BPIFB4: variants seen among roughly 807,000 people sequenced by gnomAD.
BPIFB4 encodes BPI fold-containing family B member 4.
BPIFB4 carries 62 observed loss-of-function variants against 69.2 expected under a neutral mutation model. That is an observed-to-expected ratio of 0.90 (90% CI 0.73 to 1.11). The LOEUF (loss-of-function observed/expected upper bound fraction) is 1.11, where lower values mean the gene tolerates loss of function less well. BPIFB4 is among the 50% of genes least tolerant of loss of function. BPIFB4 has a pLI of 0.00. For synonymous variants in BPIFB4, 330 were observed against 332.7 expected (o/e 0.99, Z 0.09); for missense variants, 789 against 792.0 (o/e 1.00, Z 0.04).
At chr20:33,107,991 G>A (rs1982119795) in intron 17 of BPIFB4, among the ~76,000 whole-genome samples, 171 bp downstream of exon 17, 1 of 152,214 alleles carries the variant, frequency 6.6e-6, no homozygotes, top group Non-Finnish European at 1.5e-5. Flanking sequence ...GAGCAGAGCT[G>A]TTAAGGATCC....
intron 13 of BPIFB4, 138 bp from the exon 14 acceptor site, chr20:33,100,288 C>T: frequency 1.5e-6 from 1 of 653,826 alleles, no homozygotes; most frequent in Non-Finnish European, 2.7e-6. Context: ...GAGGTCTGAC[C>T]CAGGCCTCGG....
chr20:33,104,663 G>A, intron 15 of BPIFB4, 147 bp from the exon 16 acceptor site: 2 of 647,780 alleles, frequency 3.1e-6, no homozygotes, highest in East Asian at 5.7e-5. Context: ...GAGAAATTCT[G>A]GGGTCTCAGG....
chr20:33,091,022 G>A (rs1189265505), intron 10 of BPIFB4, among the ~76,000 whole-genome samples: 2 of 152,158 alleles, frequency 1.3e-5, no homozygotes, highest in Non-Finnish European at 2.9e-5. Context: ...GCTTTGTGTC[G>A]ATTAACTCAG....
At position 33,089,039 on chromosome 20, in the gene BPIFB4, T is replaced by A; in HGVS notation, c.990+10T>A. ...CGTCCTCCCTGACTTGGTAAGAAGC[T>A]GTCCCAGTATGGGAGCAAGGGGCAC... On this transcript the variant is annotated intron_variant, in intron 8 of 17. Transcript: ENST00000375483. 1 of 1,613,882 alleles carries A rather than the reference T, an allele frequency of 6.2e-7. No homozygotes were observed. Among genetic ancestry groups the A allele is most frequent in the Non-Finnish European group, 8.5e-7 (1 of 1,179,814 alleles).
chr20:33,097,710 G>A lies in BPIFB4; in HGVS notation c.1492G>A (p.Val498Met). 2 of 1,614,166 alleles carry A rather than the reference G, an allele frequency of 1.2e-6. No homozygotes were observed. The highest frequency in any genetic ancestry group is 1.1e-5 in the South Asian group (1 of 91,082). Residue 498 changes from valine to methionine, a missense_variant, in exon 13 of 18, where the codon GTG becomes ATG. Coordinates refer to ENST00000375483, the MANE Select transcript of BPIFB4 (RefSeq NM_182519.3). ...SVMLQKDKAL[V>M]KVLATAEVMV... ...GATGCTGCAGAAGGACAAAGCGCTG[G>A]TGAAGGTGTTGGCCACTGCCGAGGT...
chr20:33,094,810 G>T (rs544672469), intron 11 of BPIFB4, among the ~76,000 whole-genome samples: 26 of 152,232 alleles, frequency 1.7e-4, no homozygotes, highest in African/African-American at 5.3e-4. Context: ...TCTCGCCCAA[G>T]AATAACATTT....
At position 33,089,044 on chromosome 20, in the gene BPIFB4, C is replaced by A. The variant is rs1287078428; in HGVS notation, c.990+15C>A. ...TCCCTGACTTGGTAAGAAGCTGTCC[C>A]AGTATGGGAGCAAGGGGCACAGGCT... On this transcript the variant is annotated intron_variant, in intron 8 of 17. Coordinates refer to ENST00000375483, the MANE Select transcript of BPIFB4 (RefSeq NM_182519.3). 4.3e-6 allele frequency: 7 copies of A among 1,613,704 alleles called. No individual in the cohort carries two copies. Among genetic ancestry groups the A allele is most frequent in the South Asian group, 1.1e-5 (1 of 91,064 alleles).
At chr20:33,109,890 G>C (rs935933999) in intron 17 of BPIFB4, among the ~76,000 whole-genome samples, 1 of 152,130 alleles carries the variant, frequency 6.6e-6, no homozygotes, top group African/African-American at 2.4e-5. Context: ...GTAAATGGCA[G>C]CTGCTATTAT....
At chr20:33,083,956 G>T (rs927715497) in intron 5 of BPIFB4, 82 bp downstream of exon 5, 9 of 1,469,122 alleles carry the variant, frequency 6.1e-6, no homozygotes, top group African/African-American at 1.4e-5. Flanking sequence ...TGGGGTTGCC[G>T]GAGGGAAGGT....
In BPIFB4 at chr20:33,102,956, T is replaced by A. The variant is rs770892662; in HGVS notation, c.1638-16T>A. On this transcript the variant is annotated splice_polypyrimidine_tract_variant and intron_variant, in intron 14 of 17. Coordinates refer to ENST00000375483, the MANE Select transcript of BPIFB4 (RefSeq NM_182519.3). ...GGCAATCCCTGCTTCTCACAGGCTG[T>A]TTTCTTCGTCTACAGGACCAGCCTC... The A allele has an allele frequency of 6.2e-7, 1 of 1,613,314 alleles. No homozygotes were observed. The highest frequency in any genetic ancestry group is 1.3e-5 in the African/African-American group (1 of 75,026).
chr20:33,110,878 C>T (rs373659194), intron 17 of BPIFB4, among the ~76,000 whole-genome samples: 21 of 147,224 alleles, frequency 1.4e-4, no homozygotes, highest in East Asian at 8.0e-4. Context: ...TGCAATGGCG[C>T]GATCTCGGCT....
intron 7 of BPIFB4, among the ~76,000 whole-genome samples, 180 bp downstream of exon 7, chr20:33,086,344 A>G (rs901879515): frequency 1.3e-5 from 2 of 152,210 alleles, no homozygotes; most frequent in South Asian, 2.1e-4. Context: ...GACCTGGCAC[A>G]TGCCTGATGG....
chr20:33,103,936 G>A (rs1289238305), intron 15 of BPIFB4, among the ~76,000 whole-genome samples: 2 of 152,168 alleles, frequency 1.3e-5, no homozygotes, highest in African/African-American at 4.8e-5. Context: ...CTATCGAGAT[G>A]GGCCCTAGGC....
intron 16 of BPIFB4, among the ~76,000 whole-genome samples, chr20:33,106,642 T>C (rs2424963): frequency 0.53 from 79,904 of 151,832 alleles, 21,679 homozygotes; most frequent in Middle Eastern, 0.62. Context: ...CAAGGGGACA[T>C]AGTTCTTGCC....
Position 33,083,411 on chromosome 20 carries a change from C to A in BPIFB4, c.214C>A (p.Pro72Thr). ...PYNDFHVRGP[P>T]PVYTNGKKLD... ...CAATGACTTCCATGTCCGAGGACCC[C>A]CCCCAGTATATACCAACGGCAAAAA... Residue 72 changes from proline (P) to threonine (T), a missense_variant, in exon 5 of 18, where the codon CCC (proline) becomes ACC (threonine). Around this residue, in one of 3 missense-constraint regions of BPIFB4, gnomAD observed 611 missense variants for 575.4 expected, o/e 1.06. Coordinates refer to ENST00000375483, the MANE Select transcript of BPIFB4 (RefSeq NM_182519.3). 2 of 1,613,600 alleles carry A rather than the reference C, an allele frequency of 1.2e-6. No homozygotes were observed. Among genetic ancestry groups the A allele is most frequent in the Non-Finnish European group, 1.7e-6 (2 of 1,179,748 alleles).
chr20:33,104,839 G>T lies in BPIFB4; in HGVS notation c.1710G>T (p.Lys570Asn). 6.2e-7 allele frequency: 1 copy of T among 1,614,164 alleles called. No individual in the cohort carries two copies. The highest frequency in any genetic ancestry group is 8.5e-7 in the Non-Finnish European group (1 of 1,180,026). ...GCCTCATGGAGGTGCTGGTGGAGAAGATTTTTGACCTGGCATTCATGCCCG... is the reference window on the plus strand; with the variant it reads ...GCCTCATGGAGGTGCTGGTGGAGAATATTTTTGACCTGGCATTCATGCCCG... The part of the protein sequence containing the change: ...DIGLMEVLVE[K>N]IFDLAFMPAM... The change falls in exon 16 of 18, where the codon AAG becomes AAT. Residue 570 changes from lysine to asparagine, a missense_variant. Around this residue, in one of 3 missense-constraint regions of BPIFB4, gnomAD observed 170 missense variants for 193.6 expected, o/e 0.88. Coordinates refer to ENST00000375483, the MANE Select transcript of BPIFB4 (RefSeq NM_182519.3).
At chr20:33,106,408 T>C (rs11698994) in intron 16 of BPIFB4, among the ~76,000 whole-genome samples, 31,900 of 147,638 alleles carry the variant, frequency 0.22, 3,739 homozygotes, top group Non-Finnish European at 0.27. Flanking sequence ...AGTCTCACTC[T>C]GTGGCCCAGG....
Position 33,081,536 on chromosome 20 carries a change from G to T in BPIFB4, c.10G>T (p.Ala4Ser), listed in dbSNP as rs1222184178. ...GGGAAGCAGTGCCAGCATGTGGATG[G>T]CCTGGTGTGTGGCTGCGCTGTCTGT... MWM[A>S]WCVAALSVVA... Residue 4 changes from alanine to serine, a missense_variant, in exon 3 of 18, where the codon GCC becomes TCC. Coordinates refer to ENST00000375483, the MANE Select transcript of BPIFB4 (RefSeq NM_182519.3). 6.4e-7 allele frequency: 1 copy of T among 1,551,564 alleles called. No individual in the cohort carries two copies. The highest frequency in any genetic ancestry group is 2.0e-5 in the Admixed American group (1 of 50,988).
intron 7 of BPIFB4, among the ~76,000 whole-genome samples, chr20:33,087,774 A>ACACACACAAAAG (rs1981478049): frequency 7.3e-6 from 1 of 136,842 alleles, no homozygotes; most frequent in African/African-American, 2.6e-5. Context: ...GCATACACAC[A>ACACACACAAAAG]CATATATATT....
Sources: allele counts gnomAD v4.1 joint callset (sites outside exome capture counted in the v4.1 genomes callset), GRCh38; gene constraint gnomAD v4.1.1; regional missense constraint gnomAD v4.1.1; transcripts MANE v1.5; gene names NCBI Gene and HGNC (gene_info 2026-07-23, HGNC 2026-07-21).